Variants in MAGI2 observed in about 807,000 individuals in gnomAD.
MAGI2 encodes the protein membrane-associated guanylate kinase, WW and PDZ domain-containing protein 2.
MAGI2 carries 35 observed loss-of-function variants against 133.3 expected under a neutral mutation model. The ratio of observed to expected loss-of-function variants is 0.26; its 90% CI spans 0.20 to 0.35. MAGI2 has a LOEUF of 0.35. Among genes scored for constraint, MAGI2 ranks in the 10% least tolerant of loss-of-function variants. The pLI, the probability that MAGI2 is intolerant of heterozygous loss-of-function variation, is 1.00. For missense variants in MAGI2, 1,636 were observed against 1,863.4 expected, an observed-to-expected ratio of 0.88 and a Z score of 2.25; for synonymous variants, 729 against 710.6, an observed-to-expected ratio of 1.03 and a Z score of -0.41.
chr7:78,341,014 A>C (rs576551274), intron 9 of MAGI2, among the ~76,000 whole-genome samples: 2 of 152,332 alleles, frequency 1.3e-5, no homozygotes, highest in African/African-American at 2.4e-5. Context: ...AGGAAGTCAA[A>C]TAGTCTCTTT....
chr7:78,298,123 T>G (rs1355953671), intron 9 of MAGI2, among the ~76,000 whole-genome samples: 2 of 152,062 alleles, frequency 1.3e-5, no homozygotes, highest in Non-Finnish European at 1.5e-5. Flanking sequence ...TTCAATAGTC[T>G]CAGTATAATC....
At chr7:78,698,817 C>A (rs545905099) in intron 2 of MAGI2, among the ~76,000 whole-genome samples, 5 of 152,156 alleles carry the variant, frequency 3.3e-5, no homozygotes, top group African/African-American at 1.2e-4. Context: ...CATCAGATCT[C>A]GTGAGAACTC....
chr7:78,573,265 TATATATAA>T lies in MAGI2; in HGVS notation c.539-51628_539-51621del, dbSNP rs1187267219. On this transcript the variant is annotated intron_variant, in intron 3 of 21. Coordinates refer to ENST00000354212, the MANE Select transcript of MAGI2 (RefSeq NM_012301.4). ...ATATATAAATATATATAAATATAAA[TATATATAA>T]ATATATATATTTATATAAATATATA... Among the ~76,000 whole-genome samples the T allele has an allele frequency of 1.1e-3, 23 of 21,398 alleles. No homozygotes were observed. In the East Asian group the frequency reaches 0.067, roughly 62 times the overall value. The allele number at this position is 21,398 out of a possible 152,430, so 14.0% of individuals were successfully genotyped here.
Position 78,019,339 on chromosome 7 carries a change from G to C in MAGI2, c.4344C>G (p.Pro1448=). 1 of 1,537,988 alleles carries C rather than the reference G, an allele frequency of 6.5e-7. No homozygotes were observed. The highest frequency in any genetic ancestry group is 8.7e-7 in the Non-Finnish European group (1 of 1,151,876). The change falls in exon 22 of 22, where the codon CCC becomes CCG. Residue 1448 remains proline (P), a synonymous_variant. Transcript: ENST00000354212. ...CTCATCTGCTGGCGGCCGAGGCGCCGGGTTTGAGGACGCTGGGCAGCTTGT... is the reference window on the plus strand; with the variant it reads ...CTCATCTGCTGGCGGCCGAGGCGCCCGGTTTGAGGACGCTGGGCAGCTTGT... The part of the protein sequence containing the change: ...GSDKLPSVLK[P]GASAASR
At chr7:78,528,415 TAAGACATGTTTAACATATTAAACAA>T (rs1454994895) in intron 3 of MAGI2, among the ~76,000 whole-genome samples, 1 of 152,158 alleles carries the variant, frequency 6.6e-6, no homozygotes, top group Non-Finnish European at 1.5e-5. Context: ...ATTCAAACTT[TAAGACATGTTTAACATATTAAACAA>T]GGGATAGTAA....
At chr7:78,240,894 A>G (rs1791064990) in intron 10 of MAGI2, among the ~76,000 whole-genome samples, 1 of 145,204 alleles carries the variant, frequency 6.9e-6, no homozygotes, top group African/African-American at 2.7e-5. Flanking sequence ...CACAATAAAC[A>G]CATATAATTT....
intron 11 of MAGI2, among the ~76,000 whole-genome samples, chr7:78,199,351 G>A (rs1280927327): frequency 1.3e-5 from 2 of 152,214 alleles, no homozygotes; most frequent in Admixed American, 6.5e-5. Flanking sequence ...GCTCATGAAT[G>A]GAGGGTCTGC....
At chr7:78,298,445 A>AAATT (rs1797512241) in intron 9 of MAGI2, among the ~76,000 whole-genome samples, 1 of 152,178 alleles carries the variant, frequency 6.6e-6, no homozygotes, top group Non-Finnish European at 1.5e-5. Flanking sequence ...TTAAGAAGAG[A>AAATT]AATTGGGTGT....
chr7:78,364,388 C>A (rs9641383), intron 7 of MAGI2, among the ~76,000 whole-genome samples: 123,450 of 152,116 alleles, frequency 0.81, 50,199 homozygotes, highest in Admixed American at 0.85. Context: ...AACTTGCTAC[C>A]TCATGATGGA....
At chr7:79,298,019 T>C (rs1024036666) in intron 1 of MAGI2, among the ~76,000 whole-genome samples, 2 of 152,212 alleles carry the variant, frequency 1.3e-5, no homozygotes, top group Non-Finnish European at 2.9e-5. Flanking sequence ...GACTAAAACC[T>C]GTGTTATCTT....
intron 20 of MAGI2, among the ~76,000 whole-genome samples, chr7:78,116,986 C>T (rs895946155): frequency 6.6e-6 from 1 of 151,034 alleles, no homozygotes; most frequent in African/African-American, 2.4e-5. Flanking sequence ...ACTTAAAAAG[C>T]AATAGAAAAT....
intron 10 of MAGI2, among the ~76,000 whole-genome samples, chr7:78,206,669 G>A (rs147236604): frequency 8.9e-4 from 136 of 152,252 alleles, no homozygotes; most frequent in Non-Finnish European, 1.6e-3. Flanking sequence ...TATTCCAGTC[G>A]ATACACTGAA....
intron 2 of MAGI2, among the ~76,000 whole-genome samples, chr7:78,653,235 CA>C (rs1811769298): frequency 6.6e-6 from 1 of 152,082 alleles, no homozygotes; most frequent in Non-Finnish European, 1.5e-5. Flanking sequence ...GGTGATTCCT[CA>C]AGGATCTAGA....
chr7:78,343,763 C>T lies in MAGI2; in HGVS notation c.1408+15G>A, dbSNP rs1562858804. The T allele has an allele frequency of 6.9e-7, 1 of 1,450,604 alleles. No individual in the cohort carries two copies. The highest frequency in any genetic ancestry group is 9.1e-7 in the Non-Finnish European group (1 of 1,098,094). 89.9% of individuals were successfully genotyped at this position (1,450,604 alleles called of 1,614,324 possible). A position where few individuals can be genotyped will look rare whatever the true frequency, so the allele number is the denominator to read the frequency against. ...GATGTTGCAAAACAATTTTCTAAAC[C>T]ATGAAGGACCTTACCTGTTTCCATT... On this transcript the variant is annotated intron_variant, in intron 9 of 21. Coordinates refer to ENST00000354212, the MANE Select transcript of MAGI2 (RefSeq NM_012301.4).
At chr7:78,617,864 A>G (rs1029972893) in intron 3 of MAGI2, 3 of 152,026 alleles carry the variant, frequency 2.0e-5, no homozygotes, top group African/African-American at 7.2e-5. Flanking sequence ...TGGTTTTTCC[A>G]GTATTGATGG....
At chr7:78,895,272 G>GCT (rs1342187453) in intron 2 of MAGI2, among the ~76,000 whole-genome samples, 1 of 152,110 alleles carries the variant, frequency 6.6e-6, no homozygotes. Flanking sequence ...CAGCAAGAAG[G>GCT]CTCTCACCAG....
intron 14 of MAGI2, among the ~76,000 whole-genome samples, chr7:78,169,311 C>T (rs981865188): frequency 4.6e-5 from 7 of 152,248 alleles, no homozygotes; most frequent in Admixed American, 2.6e-4. Context: ...CACACAGCAG[C>T]TGATGGCAGT....
intron 21 of MAGI2, among the ~76,000 whole-genome samples, chr7:78,024,489 C>T (rs2471595): frequency 0.74 from 112,202 of 152,074 alleles, 41,508 homozygotes; most frequent in East Asian, 0.83. Flanking sequence ...TGGTGAATGG[C>T]ACAGTCATCA....
At chr7:78,442,947 T>G (rs1787771090) in intron 6 of MAGI2, among the ~76,000 whole-genome samples, 1 of 152,210 alleles carries the variant, frequency 6.6e-6, no homozygotes, top group African/African-American at 2.4e-5. Context: ...ACCATTTGTT[T>G]TCTTTCTTTT....
Sources: gnomAD v4.1 joint callset for allele counts (sites outside exome capture counted in the v4.1 genomes callset) on GRCh38, gnomAD v4.1.1 for gene constraint, MANE v1.5 for transcripts, NCBI Gene and HGNC (gene_info 2026-07-23, HGNC 2026-07-21) for gene names.